The following EXOC6B variants were observed in gnomAD, a reference collection of about 807,000 sequenced individuals.
The protein encoded by EXOC6B is exocyst complex component 6B.
A neutral mutation model predicts 113.5 loss-of-function variants in EXOC6B; 54 were observed. The observed-to-expected ratio is 0.48, with a 90% CI of 0.38 to 0.60. The LOEUF (loss-of-function observed/expected upper bound fraction) is 0.60, where lower values mean the gene tolerates loss of function less well. Among genes scored for constraint, EXOC6B ranks in the 20% least tolerant of loss-of-function variants. The pLI is 0.00. For synonymous variants in EXOC6B, 357 were observed against 339.0 expected, an observed-to-expected ratio of 1.05 and a Z score of -0.58; for missense variants, 797 against 977.5, an observed-to-expected ratio of 0.82 and a Z score of 2.46.
At position 72,670,127 on chromosome 2, in the gene EXOC6B, G is replaced by C. The variant is rs116780554; in HGVS notation, c.669+47976C>G. Among the ~76,000 whole-genome samples, 847 of 152,266 alleles carry C rather than the reference G, an allele frequency of 5.6e-3. 7 individuals are homozygous for C. The highest frequency in any genetic ancestry group is 0.02 in the African/African-American group (819 of 41,548). On this transcript the variant is annotated intron_variant, in intron 6 of 21. Transcript: ENST00000272427. ...TTTAAACTGCAAATACAGCATGCTG[G>C]AATGAGTTTGTACTTTAGCACACAA...
intron 20 of EXOC6B, among the ~76,000 whole-genome samples, chr2:72,258,807 GT>G (rs1683520457): frequency 6.6e-6 from 1 of 152,166 alleles, no homozygotes; most frequent in African/African-American, 2.4e-5. Flanking sequence ...CACTGCAGCT[GT>G]TACTGCTTCC....
At chr2:72,671,590 C>T (rs1450939051) in intron 6 of EXOC6B, among the ~76,000 whole-genome samples, 1 of 151,656 alleles carries the variant, frequency 6.6e-6, no homozygotes, top group Non-Finnish European at 1.5e-5. Flanking sequence ...CCCAGCTACT[C>T]GGGAGCCTGA....
chr2:72,716,477 A>G (rs1009016530), intron 6 of EXOC6B, among the ~76,000 whole-genome samples: 1 of 152,168 alleles, frequency 6.6e-6, no homozygotes, highest in Non-Finnish European at 1.5e-5. Context: ...ACATATCTTT[A>G]CTCAAGGATC....
chr2:72,225,403 A>G (rs1203700307), intron 20 of EXOC6B, among the ~76,000 whole-genome samples: 1 of 152,228 alleles, frequency 6.6e-6, no homozygotes, highest in Non-Finnish European at 1.5e-5. Context: ...TTAAATTTTC[A>G]TATTTCTAGG....
intron 6 of EXOC6B, among the ~76,000 whole-genome samples, chr2:72,639,559 C>T (rs960265951): frequency 3.3e-5 from 5 of 152,186 alleles, no homozygotes; most frequent in African/African-American, 1.2e-4. Context: ...CAAACAAGGA[C>T]AAATCCCACT....
intron 18 of EXOC6B, among the ~76,000 whole-genome samples, chr2:72,453,288 G>A (rs1558681437): frequency 6.6e-6 from 1 of 152,106 alleles, no homozygotes; most frequent in Non-Finnish European, 1.5e-5. Context: ...ATCTAAAAAT[G>A]TGGATATTTT....
Position 72,177,757 on chromosome 2 carries a change from A to C in EXOC6B, c.*1578T>G, listed in dbSNP as rs1168727333. The C allele has an allele frequency of 6.6e-6, 1 of 152,220 alleles. No individual in the cohort carries two copies. Among genetic ancestry groups the C allele is most frequent in the Non-Finnish European group, 1.5e-5 (1 of 68,044 alleles). 9.4% of individuals were successfully genotyped at this position (152,220 alleles called of 1,614,324 possible). On this transcript the variant is annotated 3_prime_UTR_variant, in exon 22 of 22. Transcript: ENST00000272427. ...GTACTTCCCTCCCCAGAAGCAACTC[A>C]GTAGCTGACAAAGGTAGTGAAGAAT...
chr2:72,401,864 C>A (rs1693356686), intron 18 of EXOC6B, among the ~76,000 whole-genome samples: 1 of 148,622 alleles, frequency 6.7e-6, no homozygotes, highest in South Asian at 2.1e-4. Flanking sequence ...ATAAAAACAG[C>A]TAGAGAAAAA....
At chr2:72,686,007 T>TA (rs1466196507) in intron 6 of EXOC6B, among the ~76,000 whole-genome samples, 1 of 152,200 alleles carries the variant, frequency 6.6e-6, no homozygotes, top group Non-Finnish European at 1.5e-5. Flanking sequence ...TAGCAGCTCT[T>TA]ACAATACATC....
chr2:72,644,775 G>C (rs1247864289), intron 6 of EXOC6B, among the ~76,000 whole-genome samples: 1 of 152,168 alleles, frequency 6.6e-6, no homozygotes, highest in East Asian at 1.9e-4. Context: ...CCTGATAAGA[G>C]CTCCTGAAGG....
chr2:72,438,227 T>C (rs1695991473), intron 18 of EXOC6B, among the ~76,000 whole-genome samples: 1 of 151,738 alleles, frequency 6.6e-6, no homozygotes, highest in African/African-American at 2.4e-5. Context: ...GCTATGAAGA[T>C]ATATTAAAAC....
At chr2:72,566,275 T>C (rs957450925) in intron 7 of EXOC6B, among the ~76,000 whole-genome samples, 2 of 152,210 alleles carry the variant, frequency 1.3e-5, no homozygotes, top group African/African-American at 4.8e-5. Flanking sequence ...GATAGACTCA[T>C]ATAGCATGTA....
intron 11 of EXOC6B, among the ~76,000 whole-genome samples, chr2:72,512,854 G>T (rs972299669): frequency 6.6e-6 from 1 of 151,978 alleles, no homozygotes; most frequent in African/African-American, 2.4e-5. Context: ...TGAAATAAGA[G>T]AATATGTATG....
intron 16 of EXOC6B, among the ~76,000 whole-genome samples, chr2:72,483,827 T>A (rs1699255464): frequency 6.6e-6 from 1 of 152,194 alleles, no homozygotes. Context: ...GAGTTTGAGC[T>A]CCCTTGATGA....
intron 19 of EXOC6B, among the ~76,000 whole-genome samples, chr2:72,373,064 CTTT>C (rs79852175): frequency 7.3e-6 from 1 of 136,372 alleles, no homozygotes; most frequent in Non-Finnish European, 1.6e-5. Flanking sequence ...TCTCGGAAGA[CTTT>C]TTTTTTTTTT....
chr2:72,461,424 T>C (rs1697667337), intron 18 of EXOC6B: 1 of 151,162 alleles, frequency 6.6e-6, no homozygotes. Context: ...GTACATAATA[T>C]AGATATTTAA....
chr2:72,762,510 A>C (rs530410657), intron 1 of EXOC6B, among the ~76,000 whole-genome samples: 4 of 151,996 alleles, frequency 2.6e-5, no homozygotes, highest in Non-Finnish European at 4.4e-5. Flanking sequence ...ATAAAGAAGA[A>C]GACAATGGAA....
chr2:72,193,377 G>C (rs576648601), intron 20 of EXOC6B, among the ~76,000 whole-genome samples: 4 of 152,292 alleles, frequency 2.6e-5, no homozygotes, highest in African/African-American at 9.6e-5. Context: ...GGGCCTCTGT[G>C]ATTCAAAGAA....
intron 20 of EXOC6B, among the ~76,000 whole-genome samples, chr2:72,328,047 C>A (rs1231627010): frequency 6.6e-6 from 1 of 152,074 alleles, no homozygotes; most frequent in Non-Finnish European, 1.5e-5. Flanking sequence ...GGTGTTCCTT[C>A]TTCTATTTTT....
Sources: gnomAD v4.1 joint callset for allele counts (sites outside exome capture counted in the v4.1 genomes callset) on GRCh38, gnomAD v4.1.1 for gene constraint, MANE v1.5 for transcripts, NCBI Gene and HGNC (gene_info 2026-07-23, HGNC 2026-07-21) for gene names.